Variants in RALYL observed in about 807,000 individuals in gnomAD.
RALYL encodes RNA-binding Raly-like protein.
A neutral mutation model predicts 35.1 loss-of-function variants in RALYL; 29 were observed. The observed-to-expected ratio is 0.83, with a 90% CI of 0.61 to 1.13. The LOEUF (loss-of-function observed/expected upper bound fraction) is 1.13. Among genes scored for constraint, RALYL ranks in the 50% most tolerant of loss-of-function variants. The pLI, the probability that RALYL is intolerant of heterozygous loss-of-function variation, is 0.00. For missense variants in RALYL, 359 were observed against 360.4 expected (o/e 1.00, Z 0.03); for synonymous variants, 120 against 127.6 (o/e 0.94, Z 0.40).
intron 2 of RALYL, among the ~76,000 whole-genome samples, chr8:84,675,930 G>A (rs1219205418): frequency 1.3e-5 from 2 of 152,140 alleles, no homozygotes; most frequent in Non-Finnish European, 2.9e-5. Context: ...AACAAAAAGA[G>A]CACATGAATT....
At chr8:84,666,530 C>T (rs771743475) in intron 2 of RALYL, among the ~76,000 whole-genome samples, 6 of 152,108 alleles carry the variant, frequency 3.9e-5, no homozygotes, top group Middle Eastern at 3.4e-3. Context: ...ATCCTGGCCC[C>T]GCATTTGTGC....
At chr8:84,821,219 CTTTAT>C (rs1252906085) in intron 4 of RALYL, among the ~76,000 whole-genome samples, 1 of 152,102 alleles carries the variant, frequency 6.6e-6, no homozygotes, top group East Asian at 1.9e-4. Context: ...ATTGACTATC[CTTTAT>C]TTTGTGTTCT....
At chr8:84,874,115 CT>C (rs1249871491) in intron 7 of RALYL, among the ~76,000 whole-genome samples, 1 of 152,078 alleles carries the variant, frequency 6.6e-6, no homozygotes, top group Non-Finnish European at 1.5e-5. Flanking sequence ...CAGAAGCCTC[CT>C]TGGAGTTAAG....
At chr8:84,886,566 C>T (rs1842944092) in intron 7 of RALYL, among the ~76,000 whole-genome samples, 1 of 152,080 alleles carries the variant, frequency 6.6e-6, no homozygotes, top group Non-Finnish European at 1.5e-5. Context: ...AAACAACCAA[C>T]TTTTGAATAG....
At chr8:84,184,992 C>T (rs1268912726) in intron 1 of RALYL, 4 of 1,613,960 alleles carry the variant, frequency 2.5e-6, no homozygotes, top group South Asian at 2.2e-5. Context: ...TGCTCCTCCT[C>T]TTCGCAATGA....
At chr8:84,552,872 AG>A (rs1385413218) in intron 2 of RALYL, among the ~76,000 whole-genome samples, 1 of 152,126 alleles carries the variant, frequency 6.6e-6, no homozygotes, top group Non-Finnish European at 1.5e-5. Flanking sequence ...TATTATATTA[AG>A]ATCCTTAAAA....
intron 1 of RALYL, among the ~76,000 whole-genome samples, chr8:84,418,088 T>C (rs2044945403): frequency 6.6e-6 from 1 of 152,134 alleles, no homozygotes; most frequent in South Asian, 2.1e-4. Context: ...GTAATTGACC[T>C]CTTTATATTC....
At chr8:84,212,447 A>AT (rs1819727306) in intron 1 of RALYL, among the ~76,000 whole-genome samples, 1 of 152,154 alleles carries the variant, frequency 6.6e-6, no homozygotes, top group Non-Finnish European at 1.5e-5. Context: ...TTATTTTAAA[A>AT]AATTATTCAT....
intron 1 of RALYL, among the ~76,000 whole-genome samples, chr8:84,328,977 T>A (rs1489461092): frequency 1.3e-5 from 2 of 152,356 alleles, no homozygotes; most frequent in African/African-American, 4.8e-5. Context: ...ACGGTGTATG[T>A]GTACCACATT....
chr8:84,278,089 C>T (rs916095080), intron 1 of RALYL, among the ~76,000 whole-genome samples: 1 of 152,246 alleles, frequency 6.6e-6, no homozygotes, highest in Non-Finnish European at 1.5e-5. Flanking sequence ...TCCATGAAGA[C>T]CCTGCCCCTG....
chr8:84,590,605 G>GT (rs1813021358), intron 2 of RALYL, among the ~76,000 whole-genome samples: 1 of 152,124 alleles, frequency 6.6e-6, no homozygotes, highest in African/African-American at 2.4e-5. Context: ...TCTACAGGCA[G>GT]GTGAACCTAT....
Position 84,506,804 on chromosome 8 carries a change from T to A in RALYL, c.-23-22495T>A, listed in dbSNP as rs567183449. Among the ~76,000 whole-genome samples the A allele has an allele frequency of 5.8e-4, 89 of 152,140 alleles. 1 individual carries two copies. Among genetic ancestry groups the A allele is most frequent in the Non-Finnish European group, 1.1e-3 (74 of 67,946 alleles). On this transcript the variant is annotated intron_variant, in intron 1 of 8. Coordinates refer to ENST00000521268, the MANE Select transcript of RALYL (RefSeq NM_173848.7). Reference sequence around the variant, plus strand: ...AAATTTTACCTGGTTGAAATATTATTTTTTTGATTGACCCCTTTAAGCCTA... The same window carrying A: ...AAATTTTACCTGGTTGAAATATTATATTTTTGATTGACCCCTTTAAGCCTA...
chr8:84,447,647 G>A (rs1479053816), intron 1 of RALYL, among the ~76,000 whole-genome samples: 2 of 152,118 alleles, frequency 1.3e-5, no homozygotes, highest in Middle Eastern at 3.4e-3. Flanking sequence ...AATGACTACG[G>A]TGTATTCATT....
chr8:84,688,153 G>A (rs1446016914), intron 2 of RALYL, among the ~76,000 whole-genome samples: 1 of 150,230 alleles, frequency 6.7e-6, no homozygotes, highest in East Asian at 1.9e-4. Context: ...ACGCATATTT[G>A]TAATATGAAA....
intron 1 of RALYL, among the ~76,000 whole-genome samples, chr8:84,454,235 T>C (rs2049870548): frequency 6.6e-6 from 1 of 151,892 alleles, no homozygotes; most frequent in African/African-American, 2.4e-5. Flanking sequence ...AGTCATATTT[T>C]AGAGATGTAA....
chr8:84,487,643 T>C lies in RALYL; in HGVS notation c.-23-41656T>C, dbSNP rs190525923. On this transcript the variant is annotated intron_variant, in intron 1 of 8. Transcript: ENST00000521268. ...GCCATGCTCATTCTTTTACATATTG[T>C]CTATGCAGCTTTCGAGCTGGAAAGA... Among the ~76,000 whole-genome samples, 97 of 152,220 alleles carry C rather than the reference T, an allele frequency of 6.4e-4. 1 individual carries two copies. The highest frequency in any genetic ancestry group is 2.8e-3 in the Admixed American group (42 of 15,266).
At chr8:84,872,517 T>G (rs1474453125) in intron 6 of RALYL, 1 of 152,206 alleles carries the variant, frequency 6.6e-6, no homozygotes, top group Non-Finnish European at 1.5e-5. Flanking sequence ...TAGTCAATAG[T>G]AGGCTATTTA....
chr8:84,418,247 C>T (rs1401530410), intron 1 of RALYL, among the ~76,000 whole-genome samples: 1 of 152,082 alleles, frequency 6.6e-6, no homozygotes, highest in African/African-American at 2.4e-5. Context: ...GAACCTTGGG[C>T]ACAGTATTTA....
chr8:84,743,650 C>T (rs1355997422), intron 2 of RALYL, among the ~76,000 whole-genome samples: 1 of 151,972 alleles, frequency 6.6e-6, no homozygotes, highest in Non-Finnish European at 1.5e-5. Flanking sequence ...CATCAGGTCA[C>T]ATCTTATCTT....
Sources: allele counts gnomAD v4.1 joint callset (sites outside exome capture counted in the v4.1 genomes callset), GRCh38; gene constraint gnomAD v4.1.1; transcripts MANE v1.5; gene names NCBI Gene and HGNC (gene_info 2026-07-23, HGNC 2026-07-21).